SLC25A16: variants seen among roughly 807,000 people sequenced by gnomAD.
The protein encoded by SLC25A16 is solute carrier family 25 member 16.
In SLC25A16, 39 loss-of-function variants were observed where a neutral mutation model predicts 41.5. The ratio of observed to expected loss-of-function variants is 0.94; its 90% CI spans 0.73 to 1.23. SLC25A16 has a LOEUF of 1.23. Ranked by LOEUF, SLC25A16 falls within the 50% of genes most tolerant of loss-of-function variation. The probability of loss-of-function intolerance (pLI) is 0.00; values close to 1 mark genes in which losing one functional copy is unlikely to be tolerated. For missense variants in SLC25A16, 421 were observed against 426.9 expected, an observed-to-expected ratio of 0.99 and a Z score of 0.12; for synonymous variants, 146 against 147.8, an observed-to-expected ratio of 0.99 and a Z score of 0.09.
intron 4 of SLC25A16, among the ~76,000 whole-genome samples, chr10:68,497,765 C>A (rs953354079): frequency 6.6e-6 from 1 of 151,754 alleles, no homozygotes; most frequent in African/African-American, 2.4e-5. Flanking sequence ...TACAGGTGTG[C>A]GTCAAGACAC....
intron 2 of SLC25A16, among the ~76,000 whole-genome samples, chr10:68,511,992 G>C (rs1197217990): frequency 2.6e-5 from 4 of 152,098 alleles, no homozygotes; most frequent in African/African-American, 9.7e-5. Flanking sequence ...TAGTAGCTGG[G>C]ATTACAGGTG....
chr10:68,495,322 A>C (rs971217968), intron 4 of SLC25A16, among the ~76,000 whole-genome samples: 3 of 152,116 alleles, frequency 2.0e-5, no homozygotes, highest in African/African-American at 7.2e-5. Flanking sequence ...AGGCTGAGGC[A>C]GGAGAATCCT....
At chr10:68,521,361 C>A (rs972028592) in intron 1 of SLC25A16, among the ~76,000 whole-genome samples, 7 of 152,114 alleles carry the variant, frequency 4.6e-5, no homozygotes, top group Non-Finnish European at 1.0e-4. Context: ...CATGGCAAAA[C>A]CCCATCTCTA....
intron 6 of SLC25A16, among the ~76,000 whole-genome samples, chr10:68,489,630 C>T (rs534635002): frequency 7.1e-4 from 108 of 151,954 alleles, no homozygotes; most frequent in Non-Finnish European, 1.0e-3. Flanking sequence ...TGGCCAGGCG[C>T]GGTGGCTTAT....
At position 68,478,383 on chromosome 10, in the gene SLC25A16, AAAG is replaced by A. The variant is rs1203143987; in HGVS notation, c.*5046_*5048del. The A allele has an allele frequency of 3.9e-5, 6 of 152,214 alleles. No individual in the cohort carries two copies. The highest frequency in any genetic ancestry group is 1.2e-4 in the African/African-American group (5 of 41,450). 9.4% of individuals were successfully genotyped at this position (152,214 alleles called of 1,614,324 possible). A position where few individuals can be genotyped will look rare whatever the true frequency, so the allele number is the denominator to read the frequency against. On this transcript the variant is annotated 3_prime_UTR_variant, in exon 9 of 9. Transcript: ENST00000609923. ...CAATACTAGAATGTGTCTGGGTTTC[AAAG>A]AATAGATGCGAGGAACTATGTAAAG...
At chr10:68,492,056 G>A (rs997935725) in intron 6 of SLC25A16, among the ~76,000 whole-genome samples, 3 of 152,070 alleles carry the variant, frequency 2.0e-5, no homozygotes, top group Non-Finnish European at 4.4e-5. Flanking sequence ...TCAAACTCAG[G>A]TGATCCACCC....
intron 4 of SLC25A16, among the ~76,000 whole-genome samples, chr10:68,502,779 AGAGGGGAGGGGAGGGGTAGG>A (rs2052871851): frequency 2.4e-5 from 1 of 41,200 alleles, no homozygotes; most frequent in Non-Finnish European, 4.5e-5. Flanking sequence ...GGAGAAGAAA[AGAGGGGAGGGGAGGGGTAGG>A]GAGGGAAGCG....
chr10:68,500,747 A>G (rs2052827950), intron 4 of SLC25A16, among the ~76,000 whole-genome samples: 1 of 151,498 alleles, frequency 6.6e-6, no homozygotes, highest in Non-Finnish European at 1.5e-5. Context: ...CCTGGCCAAC[A>G]TATTGAAACC....
intron 2 of SLC25A16, among the ~76,000 whole-genome samples, chr10:68,508,860 A>C (rs1390259218): frequency 6.6e-6 from 1 of 152,184 alleles, no homozygotes; most frequent in East Asian, 1.9e-4. Flanking sequence ...AGAGACAGGA[A>C]GGCTAATGAT....
intron 2 of SLC25A16, among the ~76,000 whole-genome samples, chr10:68,510,976 C>G (rs559524919): frequency 6.6e-6 from 1 of 152,154 alleles, no homozygotes; most frequent in African/African-American, 2.4e-5. Context: ...CAGTGGCTCA[C>G]GCCTATAATC....
intron 2 of SLC25A16, among the ~76,000 whole-genome samples, chr10:68,509,064 G>A (rs772017124): frequency 1.3e-5 from 2 of 152,142 alleles, no homozygotes; most frequent in East Asian, 1.9e-4. Context: ...AGGGCCGGGC[G>A]CGGTGGTTCA....
chr10:68,489,126 G>A (rs1456044568), intron 6 of SLC25A16, among the ~76,000 whole-genome samples: 8 of 152,100 alleles, frequency 5.3e-5, no homozygotes, highest in East Asian at 1.9e-4. Context: ...AAAATTAGTC[G>A]GGTGTGGTGG....
At chr10:68,495,153 G>C (rs1377160532) in intron 4 of SLC25A16, among the ~76,000 whole-genome samples, 2 of 152,030 alleles carry the variant, frequency 1.3e-5, no homozygotes, top group African/African-American at 4.8e-5. Flanking sequence ...GCTCACACCT[G>C]TAATCCCAGC....
chr10:68,527,235 C>A lies in SLC25A16; in HGVS notation c.130+11G>T. ...TCAGAGCGCGGCTGGCTCTTCGTGG[C>A]ATGGACCCACCTCCGGCCAGAAAGG... On this transcript the variant is annotated intron_variant, in intron 1 of 8. Transcript: ENST00000609923. The A allele has an allele frequency of 3.9e-6, 6 of 1,546,526 alleles. No homozygotes were observed. The highest frequency in any genetic ancestry group is 4.4e-6 in the Non-Finnish European group (5 of 1,145,140).
rs765010829 is a variant in SLC25A16 at position 68,487,166 on chromosome 10, G to T, written c.820C>A (p.Leu274Met). The T allele has an allele frequency of 3.7e-6, 6 of 1,613,378 alleles. No homozygotes were observed. In the Admixed American group the frequency reaches 8.3e-5, roughly 22 times the overall value. ...TRRRMQLGTVLPEFEKCLTMR... is the reference protein window; with the variant it reads ...TRRRMQLGTVMPEFEKCLTMR... ...TACAGGCACTTTTCAAATTCCGGCA[G>T]AACAGTTCCTAATTGCATTCGCCGA... Residue 274 changes from leucine (L) to methionine (M), a missense_variant, in exon 8 of 9, where the codon CTG becomes ATG. Coordinates refer to ENST00000609923, the MANE Select transcript of SLC25A16 (RefSeq NM_152707.4).
Position 68,493,465 on chromosome 10 carries a change from T to A in SLC25A16, c.527A>T (p.Lys176Ile), listed in dbSNP as rs1293753823. ...ATGAAATACCTTTGCATAAATTGTTTTGAAAGCATGAATAATTCCTGTATA... is the reference window on the plus strand; with the variant it reads ...ATGAAATACCTTTGCATAAATTGTTATGAAAGCATGAATAATTCCTGTATA... ...HSYTGIIHAF[K>I]TIYAKEGGFF... Residue 176 changes from lysine to isoleucine, a missense_variant, in exon 5 of 9, where the codon AAA (lysine) becomes ATA (isoleucine). Transcript: ENST00000609923. 6.2e-7 allele frequency: 1 copy of A among 1,613,242 alleles called. No individual in the cohort carries two copies. Among genetic ancestry groups the A allele is most frequent in the African/African-American group, 1.3e-5 (1 of 74,920 alleles).
At chr10:68,525,560 C>T (rs896193687) in intron 1 of SLC25A16, among the ~76,000 whole-genome samples, 5 of 152,132 alleles carry the variant, frequency 3.3e-5, no homozygotes, top group Non-Finnish European at 7.4e-5. Flanking sequence ...CTCAAGCAGT[C>T]TTCCTGCCTC....
At chr10:68,491,885 G>A (rs183138734) in intron 6 of SLC25A16, among the ~76,000 whole-genome samples, 9 of 152,140 alleles carry the variant, frequency 5.9e-5, no homozygotes, top group Non-Finnish European at 1.3e-4. Context: ...CTGGAGTGCA[G>A]TGGCGTGATC....
At chr10:68,490,467 T>C (rs1355939324) in intron 6 of SLC25A16, among the ~76,000 whole-genome samples, 1 of 151,798 alleles carries the variant, frequency 6.6e-6, no homozygotes, top group Non-Finnish European at 1.5e-5. Flanking sequence ...CTCAGCCTCC[T>C]GAGTAGCTGG....
Sources: gnomAD v4.1 joint callset for allele counts (sites outside exome capture counted in the v4.1 genomes callset) on GRCh38, gnomAD v4.1.1 for gene constraint, MANE v1.5 for transcripts, NCBI Gene and HGNC (gene_info 2026-07-23, HGNC 2026-07-21) for gene names.